THBS4: variants seen among roughly 807,000 people sequenced by gnomAD.
THBS4 encodes thrombospondin 4, also known as thrombospondin-4.
Under a neutral mutation model 115.7 loss-of-function variants are expected in THBS4, and 90 were observed. That is an observed-to-expected ratio of 0.78 (90% CI 0.66 to 0.93). The LOEUF is 0.93. Among genes scored for constraint, THBS4 ranks in the 40% least tolerant of loss-of-function variants. The pLI, the probability that THBS4 is intolerant of heterozygous loss-of-function variation, is 0.00. For missense variants in THBS4, 1,087 were observed against 1,232.7 expected (o/e 0.88, Z 1.77); for synonymous variants, 460 against 479.3 (o/e 0.96, Z 0.53).
Position 80,065,391 on chromosome 5 carries a change from T to G in THBS4, c.1126-18T>G, listed in dbSNP as rs780550202. On this transcript the variant is annotated intron_variant, in intron 8 of 21. Transcript: ENST00000350881. The stretch of plus-strand genomic sequence containing the variant: ...GCAGCATGTCTCGCTAAACTTTCTT[T>G]GAACTTTTCTGCACTAGGTCTGCAC... 1 of 1,603,838 alleles carries G rather than the reference T, an allele frequency of 6.2e-7. No homozygotes were observed. The highest frequency in any genetic ancestry group is 1.3e-5 in the African/African-American group (1 of 74,648).
intron 2 of THBS4, among the ~76,000 whole-genome samples, chr5:80,015,884 G>A (rs751262395): frequency 8.5e-5 from 13 of 152,210 alleles, no homozygotes; most frequent in Non-Finnish European, 1.3e-4. Context: ...ATTAGCATCA[G>A]CCTGGCAAGT....
At chr5:80,072,223 C>G in intron 13 of THBS4, 55 bp from the exon 14 acceptor site, 1 of 1,519,650 alleles carries the variant, frequency 6.6e-7, no homozygotes, top group African/African-American at 1.5e-5. Flanking sequence ...CTCTCCAGCA[C>G]CTAGAAGAAG....
chr5:80,040,053 C>T (rs1314305752), intron 1 of THBS4, 24 bp from the exon 2 acceptor site: 4 of 1,606,688 alleles, frequency 2.5e-6, no homozygotes, highest in African/African-American at 1.3e-5. Context: ...TTCACTTATA[C>T]CCCTTCTTCT....
At chr5:80,002,429 T>C (rs1390142527) in intron 2 of THBS4, among the ~76,000 whole-genome samples, 2 of 152,068 alleles carry the variant, frequency 1.3e-5, no homozygotes, top group African/African-American at 2.4e-5. Context: ...CCCATTAGCA[T>C]GTCCCAAAAA....
At chr5:80,046,712 T>C (rs564584569) in intron 2 of THBS4, among the ~76,000 whole-genome samples, 1 of 152,246 alleles carries the variant, frequency 6.6e-6, no homozygotes, top group South Asian at 2.1e-4. Context: ...TATACCTTTC[T>C]AAATAATATA....
Position 80,082,674 on chromosome 5 carries a change from G to A in THBS4, c.2824+129G>A, listed in dbSNP as rs536683010. The A allele has an allele frequency of 3.4e-5, 38 of 1,123,698 alleles. 1 individual carries two copies. In the South Asian group the frequency reaches 5.7e-4, roughly 17 times the overall value. The allele number at this position is 1,123,698 out of a possible 1,614,324, so 69.6% of individuals were successfully genotyped here. On this transcript the variant is annotated intron_variant, in intron 21 of 21. Transcript: ENST00000350881. ...ACCACATAGTCATTAAAACCTGATAGTCCCTGTGTACCAGAAGTAAAAAGC... is the reference window on the plus strand; with the variant it reads ...ACCACATAGTCATTAAAACCTGATAATCCCTGTGTACCAGAAGTAAAAAGC...
intron 8 of THBS4, among the ~76,000 whole-genome samples, chr5:80,063,491 G>T (rs1238519533): frequency 6.6e-6 from 1 of 152,198 alleles, no homozygotes; most frequent in Admixed American, 6.5e-5. Flanking sequence ...TAGGTTGCCT[G>T]TTCACTCTGA....
chr5:80,069,736 G>A (rs1245955363), intron 10 of THBS4, among the ~76,000 whole-genome samples: 1 of 152,238 alleles, frequency 6.6e-6, no homozygotes, highest in Non-Finnish European at 1.5e-5. Flanking sequence ...CCCTGCTGGG[G>A]CAAGTGAGCA....
chr5:79,999,309 A>C (rs1213536720), intron 2 of THBS4, among the ~76,000 whole-genome samples: 9 of 152,210 alleles, frequency 5.9e-5, no homozygotes, highest in Non-Finnish European at 4.4e-5. Context: ...CCTGTGAGGA[A>C]TAATTATATC....
Position 80,001,160 on chromosome 5 carries a change from C to T in THBS4, n.177+2733C>T, listed in dbSNP as rs1470055696. Among the ~76,000 whole-genome samples the T allele has an allele frequency of 2.0e-5, 3 of 152,124 alleles. No individual in the cohort carries two copies. The South Asian group carries it at 6.2e-4, about 32-fold the overall frequency. Reference sequence around the variant, plus strand: ...AAATTGGCAAATATAATTACAACTCCGTTGAACATATTTTTCTCCAGAAAA... The same window carrying T: ...AAATTGGCAAATATAATTACAACTCTGTTGAACATATTTTTCTCCAGAAAA... On this transcript the variant is annotated intron_variant and non_coding_transcript_variant, in intron 2 of 3. Coordinates refer to the THBS4 transcript ENST00000510218.
At chr5:80,003,305 A>C (rs1267812897) in intron 2 of THBS4, among the ~76,000 whole-genome samples, 1 of 152,206 alleles carries the variant, frequency 6.6e-6, no homozygotes, top group Non-Finnish European at 1.5e-5. Context: ...GGCAATATTT[A>C]GGGAAATGAG....
chr5:80,029,470 C>T (rs1216957706), intron 2 of THBS4, among the ~76,000 whole-genome samples: 2 of 152,044 alleles, frequency 1.3e-5, no homozygotes, highest in African/African-American at 4.8e-5. Flanking sequence ...TGTAACATGT[C>T]CTCACAATTG....
rs1444292499 is a variant in THBS4 at position 80,055,017 on chromosome 5, A to C, written c.293-768A>C. Among the ~76,000 whole-genome samples, 4 of 152,064 alleles carry C rather than the reference A, an allele frequency of 2.6e-5. No homozygotes were observed. The East Asian group carries it at 7.8e-4, about 30-fold the overall frequency. ...AGTTATTCCAATTGCATTTGGTTGCAGTGAGTAGAAATTAAGTATTTAGGC... is the reference window on the plus strand; with the variant it reads ...AGTTATTCCAATTGCATTTGGTTGCCGTGAGTAGAAATTAAGTATTTAGGC... On this transcript the variant is annotated intron_variant, in intron 2 of 21. Transcript: ENST00000350881.
At chr5:80,069,582 A>T (rs968787110) in intron 10 of THBS4, among the ~76,000 whole-genome samples, 1 of 152,258 alleles carries the variant, frequency 6.6e-6, no homozygotes, top group Non-Finnish European at 1.5e-5. Flanking sequence ...TAAAGGATTA[A>T]TAAACTTGGC....
At chr5:80,046,793 T>A (rs563543048) in intron 2 of THBS4, among the ~76,000 whole-genome samples, 22 of 152,332 alleles carry the variant, frequency 1.4e-4, no homozygotes, top group African/African-American at 5.1e-4. Flanking sequence ...ATCTAGTGGT[T>A]TTTGACAGGG....
At chr5:80,028,819 C>T (rs1156452491) in intron 2 of THBS4, among the ~76,000 whole-genome samples, 1 of 152,150 alleles carries the variant, frequency 6.6e-6, no homozygotes, top group African/African-American at 2.4e-5. Context: ...CTGGCTTCTC[C>T]TTCTACTAGG....
At chr5:80,038,819 T>G (rs1033410701) in intron 1 of THBS4, among the ~76,000 whole-genome samples, 1 of 152,200 alleles carries the variant, frequency 6.6e-6, no homozygotes, top group Non-Finnish European at 1.5e-5. Flanking sequence ...CCTTTGATAC[T>G]GTTGTTTAAA....
chr5:80,036,434 G>C (rs887728479), intron 1 of THBS4, among the ~76,000 whole-genome samples: 1 of 152,152 alleles, frequency 6.6e-6, no homozygotes, highest in Non-Finnish European at 1.5e-5. Flanking sequence ...TGGGTGATGT[G>C]TTCACTAGAA....
In THBS4 at chr5:80,079,922, A is replaced by G. The variant is rs1397666004; in HGVS notation, c.2529A>G (p.Thr843=). Residue 843 remains threonine (T), a synonymous_variant, in exon 20 of 22, where the codon ACA becomes ACG. Coordinates refer to ENST00000350881, the MANE Select transcript of THBS4 (RefSeq NM_003248.6). ...TCATGCAGGCTGTGAAGTCTAAGAC[A>G]GGTCCAGGGGAGCATCTCCGGAACT... ...GIQLKAVKSK[T]GPGEHLRNSL... The G allele has an allele frequency of 6.2e-7, 1 of 1,614,040 alleles. No homozygotes were observed. The highest frequency in any genetic ancestry group is 8.5e-7 in the Non-Finnish European group (1 of 1,180,016).
Sources: allele counts gnomAD v4.1 joint callset (sites outside exome capture counted in the v4.1 genomes callset), GRCh38; gene constraint gnomAD v4.1.1; transcripts MANE v1.5; gene names NCBI Gene and HGNC (gene_info 2026-07-23, HGNC 2026-07-21).